The following GRIA4 variants were observed in gnomAD, a reference collection of about 807,000 sequenced individuals.
The protein encoded by GRIA4 is glutamate receptor 4.
GRIA4 carries 34 observed loss-of-function variants against 104.0 expected under a neutral mutation model. The ratio of observed to expected loss-of-function variants is 0.33; its 90% CI spans 0.25 to 0.44. The LOEUF (loss-of-function observed/expected upper bound fraction) is 0.44, where lower values mean the gene tolerates loss of function less well. GRIA4 is among the 20% of genes least tolerant of loss of function. GRIA4 has a pLI of 1.00. For missense variants in GRIA4, 750 were observed against 1,096.5 expected (o/e 0.68, Z 4.46); for synonymous variants, 386 against 381.9 (o/e 1.01, Z -0.13).
rs540023388 is a variant in GRIA4, at chr11:105,660,606, T to C, written c.247+48172T>C. ...AGAACAATAAGATGAAGTCTCATGATAATTTCTCTAGAGAATTAAGAGTCT... is the reference window on the plus strand; with the variant it reads ...AGAACAATAAGATGAAGTCTCATGACAATTTCTCTAGAGAATTAAGAGTCT... On this transcript the variant is annotated intron_variant, in intron 3 of 16. Transcript: ENST00000282499. 2.4e-4 allele frequency among the ~76,000 whole-genome samples: 37 copies of C among 151,738 alleles called. 1 individual carries two copies. The highest frequency in any genetic ancestry group is 2.4e-3 in the Admixed American group (37 of 15,180).
chr11:105,846,836 C>G (rs1944614192), intron 4 of GRIA4, among the ~76,000 whole-genome samples: 1 of 152,178 alleles, frequency 6.6e-6, no homozygotes, highest in Non-Finnish European at 1.5e-5. Context: ...ACAACCAACA[C>G]AGAGACTGTC....
At chr11:105,705,757 T>A (rs1403103999) in intron 3 of GRIA4, among the ~76,000 whole-genome samples, 2 of 152,076 alleles carry the variant, frequency 1.3e-5, no homozygotes, top group African/African-American at 4.8e-5. Context: ...CAACACACCC[T>A]CTTGGTGGGA....
In GRIA4 at chr11:105,689,770, C is replaced by T. The variant is rs368121058; in HGVS notation, c.248-63211C>T. ...ATTCTCTCTCCTTTTCCTTAGTATC[C>T]GCAAGGCATGTAATACAATGCCTCT... On this transcript the variant is annotated intron_variant, in intron 3 of 16. Coordinates refer to ENST00000282499, the MANE Select transcript of GRIA4 (RefSeq NM_000829.4). 5.9e-5 allele frequency among the ~76,000 whole-genome samples: 9 copies of T among 152,276 alleles called. No individual in the cohort carries two copies. The East Asian group carries it at 7.7e-4, about 13-fold the overall frequency.
At chr11:105,635,272 A>G (rs566402807) in intron 3 of GRIA4, among the ~76,000 whole-genome samples, 3 of 152,274 alleles carry the variant, frequency 2.0e-5, no homozygotes, top group East Asian at 3.9e-4. Context: ...AGAGTAAAAT[A>G]AAATGTCAGT....
chr11:105,634,884 T>C (rs774529380), intron 3 of GRIA4, among the ~76,000 whole-genome samples: 1 of 152,240 alleles, frequency 6.6e-6, no homozygotes, highest in Non-Finnish European at 1.5e-5. Context: ...TTCTAAAAAG[T>C]ACACATTCTG....
intron 14 of GRIA4, among the ~76,000 whole-genome samples, chr11:105,936,719 C>T (rs1259083522): frequency 6.6e-6 from 1 of 152,052 alleles, no homozygotes; most frequent in Non-Finnish European, 1.5e-5. Context: ...AAAATTAGGA[C>T]TTGGGTATTT....
intron 3 of GRIA4, among the ~76,000 whole-genome samples, chr11:105,685,666 G>C (rs937119035): frequency 3.3e-5 from 5 of 152,146 alleles, no homozygotes; most frequent in Non-Finnish European, 7.4e-5. Flanking sequence ...AATTAGTTTG[G>C]ATACAGAATG....
At chr11:105,668,195 T>TACACAC (rs774668336) in intron 3 of GRIA4, among the ~76,000 whole-genome samples, 11 of 113,126 alleles carry the variant, frequency 9.7e-5, no homozygotes, top group African/African-American at 3.4e-4. Context: ...CTCCATTGCA[T>TACACAC]ATACACACAC....
chr11:105,671,113 A>C (rs1459566256), intron 3 of GRIA4, among the ~76,000 whole-genome samples: 1 of 152,144 alleles, frequency 6.6e-6, no homozygotes, highest in East Asian at 1.9e-4. Context: ...CCACCTGGGT[A>C]ATACCAGATA....
intron 3 of GRIA4, among the ~76,000 whole-genome samples, chr11:105,731,801 C>T (rs1938606138): frequency 6.6e-6 from 1 of 151,996 alleles, no homozygotes; most frequent in Non-Finnish European, 1.5e-5. Flanking sequence ...CCCGCATGTT[C>T]TCACTCATAA....
chr11:105,814,020 G>T (rs1943280355), intron 4 of GRIA4, among the ~76,000 whole-genome samples: 1 of 152,052 alleles, frequency 6.6e-6, no homozygotes, highest in Admixed American at 6.5e-5. Flanking sequence ...AACAAAAAAA[G>T]GCAAAAACCT....
At chr11:105,978,250 C>T (rs776834774) in intron 16 of GRIA4, among the ~76,000 whole-genome samples, 9 of 152,048 alleles carry the variant, frequency 5.9e-5, no homozygotes, top group South Asian at 2.1e-4. Flanking sequence ...TTGATTTCAA[C>T]GGACTAATAG....
chr11:105,893,487 T>C (rs1946527857), intron 6 of GRIA4, among the ~76,000 whole-genome samples: 3 of 152,130 alleles, frequency 2.0e-5, no homozygotes, highest in Admixed American at 1.3e-4. Flanking sequence ...AAAACAGACA[T>C]AGCTGAAATT....
chr11:105,690,176 G>C (rs1483576518), intron 3 of GRIA4, among the ~76,000 whole-genome samples: 1 of 152,082 alleles, frequency 6.6e-6, no homozygotes, highest in Non-Finnish European at 1.5e-5. Flanking sequence ...CCCCCTTCTT[G>C]ATGCTGTAAC....
At chr11:105,930,851 T>C (rs1467952239) in intron 13 of GRIA4, among the ~76,000 whole-genome samples, 1 of 152,174 alleles carries the variant, frequency 6.6e-6, no homozygotes, top group African/African-American at 2.4e-5. Context: ...TTCTGTTTTC[T>C]ATGTCGTGTA....
At chr11:105,868,433 C>T (rs1945505544) in intron 5 of GRIA4, among the ~76,000 whole-genome samples, 1 of 152,120 alleles carries the variant, frequency 6.6e-6, no homozygotes, top group Non-Finnish European at 1.5e-5. Context: ...TTATCTCCAT[C>T]AGGGCGGAGT....
At chr11:105,877,597 T>TTTTCATTAG (rs1945879727) in intron 5 of GRIA4, among the ~76,000 whole-genome samples, 1 of 152,188 alleles carries the variant, frequency 6.6e-6, no homozygotes, top group African/African-American at 2.4e-5. Flanking sequence ...CTTGGACGCT[T>TTTTCATTAG]TTTCATTAGT....
At chr11:105,649,611 T>C (rs1351825156) in intron 3 of GRIA4, among the ~76,000 whole-genome samples, 1 of 152,168 alleles carries the variant, frequency 6.6e-6, no homozygotes, top group Non-Finnish European at 1.5e-5. Flanking sequence ...AACATGCCTA[T>C]TTCATAACAA....
chr11:105,933,080 A>T (rs2249507), intron 13 of GRIA4, among the ~76,000 whole-genome samples: 13,101 of 127,226 alleles, frequency 0.1, 886 homozygotes, highest in African/African-American at 0.21. Flanking sequence ...CTTTAAAAAA[A>T]TTTTTTTTTT....
Sources: allele counts gnomAD v4.1 joint callset (sites outside exome capture counted in the v4.1 genomes callset), GRCh38; gene constraint gnomAD v4.1.1; transcripts MANE v1.5; gene names NCBI Gene and HGNC (gene_info 2026-07-23, HGNC 2026-07-21).